Variants in MUSK observed in about 807,000 individuals in gnomAD.
The protein encoded by MUSK is muscle associated receptor tyrosine kinase, also known as muscle, skeletal receptor tyrosine-protein kinase.
In MUSK, 55 loss-of-function variants were observed where a neutral mutation model predicts 88.7. The ratio of observed to expected loss-of-function variants is 0.62; its 90% CI spans 0.50 to 0.78. MUSK has a LOEUF of 0.78. MUSK is among the 30% of genes least tolerant of loss of function. The pLI, the probability that MUSK is intolerant of heterozygous loss-of-function variation, is 0.00. For missense variants in MUSK, 1,015 were observed against 1,074.3 expected, an observed-to-expected ratio of 0.94 and a Z score of 0.77; for synonymous variants, 387 against 391.9, an observed-to-expected ratio of 0.99 and a Z score of 0.15.
rs746340721 is a variant in MUSK, at chr9:110,697,408, T to C, written c.570T>C (p.Cys190=). Residue 190 remains cysteine, a synonymous_variant, in exon 5 of 15, where the codon TGT becomes TGC. Coordinates refer to ENST00000374448, the MANE Select transcript of MUSK (RefSeq NM_005592.4). ...VQKEDAGQYR[C]VAKNSLGTAY... is the part of the protein sequence containing the mutation. ...AGGAAGATGCAGGACAGTATCGATG[T>C]GTGGCAAAAAACAGCCTCGGGACAG... is the stretch of plus-strand genomic sequence containing the variant. 7.4e-6 allele frequency: 12 copies of C among 1,612,434 alleles called. No individual in the cohort carries two copies. The highest frequency in any genetic ancestry group is 6.7e-5 in the African/African-American group (5 of 74,844).
chr9:110,720,045 G>A (rs1027948832), intron 5 of MUSK, among the ~76,000 whole-genome samples: 11 of 152,042 alleles, frequency 7.2e-5, no homozygotes, highest in South Asian at 4.1e-4. Flanking sequence ...TGGACTGAAC[G>A]ATAATAGTAA....
At chr9:110,723,289 C>T (rs1375560767) in intron 5 of MUSK, among the ~76,000 whole-genome samples, 1 of 149,110 alleles carries the variant, frequency 6.7e-6, no homozygotes, top group Non-Finnish European at 1.5e-5. Flanking sequence ...ACTACTTATC[C>T]ATAAAAAGGA....
At chr9:110,689,996 T>G (rs1354820056) in intron 3 of MUSK, among the ~76,000 whole-genome samples, 3 of 11,706 alleles carry the variant, frequency 2.6e-4, no homozygotes, top group Non-Finnish European at 5.0e-4. Context: ...TATAATTATA[T>G]ATTATATATT....
rs1387959636 is a variant in MUSK, at chr9:110,697,314, A to G, written c.487-11A>G. The G allele has an allele frequency of 1.2e-6, 2 of 1,612,512 alleles. No homozygotes were observed. The highest frequency in any genetic ancestry group is 1.7e-5 in the Admixed American group (1 of 59,928). On this transcript the variant is annotated splice_polypyrimidine_tract_variant and intron_variant, in intron 4 of 14. Coordinates refer to ENST00000374448, the MANE Select transcript of MUSK (RefSeq NM_005592.4). ...TAAACATTTTTGAATTCACGTCCCTATCTCTGGCAGGAAAATTCCCGAATT... is the reference window on the plus strand; with the variant it reads ...TAAACATTTTTGAATTCACGTCCCTGTCTCTGGCAGGAAAATTCCCGAATT...
chr9:110,720,657 A>C (rs2131802223), intron 5 of MUSK, among the ~76,000 whole-genome samples: 1 of 152,270 alleles, frequency 6.6e-6, no homozygotes, highest in African/African-American at 2.4e-5. Flanking sequence ...GAATTGTATC[A>C]GACATTCAAA....
chr9:110,753,745 T>G (rs1206305233), intron 7 of MUSK, among the ~76,000 whole-genome samples: 4 of 152,058 alleles, frequency 2.6e-5, no homozygotes, highest in Non-Finnish European at 5.9e-5. Context: ...GTATCAAAAC[T>G]GAGCAGGAGG....
intron 8 of MUSK, among the ~76,000 whole-genome samples, chr9:110,763,961 G>A (rs918420499): frequency 6.6e-6 from 1 of 152,180 alleles, no homozygotes; most frequent in African/African-American, 2.4e-5. Flanking sequence ...TGACCACATA[G>A]GGTTGTCTGT....
In MUSK at chr9:110,804,734, A is replaced by G. The variant is rs1027138213; in HGVS notation, c.*3746A>G. ...ATATATTATGTTTGAAAAGAAAAAT[A>G]ATATGCAATAATATACAATAATATG... is the stretch of plus-strand genomic sequence containing the variant. On this transcript the variant is annotated 3_prime_UTR_variant, in exon 15 of 15. Coordinates refer to ENST00000374448, the MANE Select transcript of MUSK (RefSeq NM_005592.4). Among the ~76,000 whole-genome samples the G allele has an allele frequency of 6.6e-6, 1 of 151,920 alleles. No individual in the cohort carries two copies. Among genetic ancestry groups the G allele is most frequent in the African/African-American group, 2.4e-5 (1 of 41,444 alleles).
Position 110,679,986 on chromosome 9 carries a change from A to G in MUSK, c.80-2688A>G, listed in dbSNP as rs7861714. ...TGTGTTAAAATTGCAATGGTATTTCACCACCATTTATGCTATTGTTTTTTA... is the reference window on the plus strand; with the variant it reads ...TGTGTTAAAATTGCAATGGTATTTCGCCACCATTTATGCTATTGTTTTTTA... On this transcript the variant is annotated intron_variant, in intron 1 of 14. Transcript: ENST00000374448. Among the ~76,000 whole-genome samples the G allele has an allele frequency of 7.7e-3, 1,177 of 152,230 alleles. 13 individuals carry two copies. Among genetic ancestry groups the G allele is most frequent in the African/African-American group, 0.027 (1,118 of 41,540 alleles).
At chr9:110,670,188 T>C (rs2075939200) in intron 1 of MUSK, among the ~76,000 whole-genome samples, 1 of 152,214 alleles carries the variant, frequency 6.6e-6, no homozygotes, top group African/African-American at 2.4e-5. Flanking sequence ...ATTTAATTTC[T>C]AATGAATACT....
At chr9:110,681,054 ATAT>A (rs1388881075) in intron 1 of MUSK, among the ~76,000 whole-genome samples, 2 of 43,424 alleles carry the variant, frequency 4.6e-5, no homozygotes, top group East Asian at 4.2e-4. Context: ...TATATATTAT[ATAT>A]TATATATATA....
intron 2 of MUSK, among the ~76,000 whole-genome samples, chr9:110,683,897 T>C (rs1369139691): frequency 1.3e-5 from 2 of 152,122 alleles, no homozygotes; most frequent in Non-Finnish European, 1.5e-5. Context: ...GTCAGATGGG[T>C]AGTTTGCAAA....
At chr9:110,688,008 T>C (rs1049122894) in intron 3 of MUSK, among the ~76,000 whole-genome samples, 1 of 152,178 alleles carries the variant, frequency 6.6e-6, no homozygotes, top group African/African-American at 2.4e-5. Flanking sequence ...GAAGCTGTTC[T>C]ATTTTCTCCA....
intron 8 of MUSK, among the ~76,000 whole-genome samples, chr9:110,763,775 T>C (rs2077435349): frequency 6.6e-6 from 1 of 152,192 alleles, no homozygotes; most frequent in South Asian, 2.1e-4. Context: ...ATGCCATGGC[T>C]GGTCATCTGG....
At chr9:110,704,901 C>T (rs1265241955) in intron 5 of MUSK, among the ~76,000 whole-genome samples, 1 of 151,122 alleles carries the variant, frequency 6.6e-6, no homozygotes, top group Non-Finnish European at 1.5e-5. Context: ...AGGAAAATCA[C>T]TTGAACCCAG....
chr9:110,716,643 C>T (rs1022661393), intron 5 of MUSK, among the ~76,000 whole-genome samples: 2 of 149,904 alleles, frequency 1.3e-5, no homozygotes, highest in Admixed American at 1.3e-4. Flanking sequence ...TTGAATGCTG[C>T]CCTCATAATT....
intron 5 of MUSK, among the ~76,000 whole-genome samples, chr9:110,718,196 C>T (rs1334780431): frequency 3.3e-5 from 5 of 152,014 alleles, no homozygotes; most frequent in African/African-American, 2.4e-5. Context: ...TGAGTGTCCC[C>T]ACACTATGGT....
chr9:110,781,261 GTT>G (rs958828874), intron 11 of MUSK, among the ~76,000 whole-genome samples: 1 of 19,094 alleles, frequency 5.2e-5, no homozygotes, highest in Non-Finnish European at 3.2e-4. Context: ...GTGTTTTTTT[GTT>G]TTGTTTTGTT....
intron 3 of MUSK, among the ~76,000 whole-genome samples, chr9:110,687,916 A>G (rs10817074): frequency 0.023 from 3,507 of 151,954 alleles, 150 homozygotes; most frequent in African/African-American, 0.08. Flanking sequence ...AACCAAACAC[A>G]CTTTTTATTT....
Sources: gnomAD v4.1 joint callset for allele counts (sites outside exome capture counted in the v4.1 genomes callset) on GRCh38, gnomAD v4.1.1 for gene constraint, MANE v1.5 for transcripts, NCBI Gene and HGNC (gene_info 2026-07-23, HGNC 2026-07-21) for gene names.